Variants in MAOB observed in about 807,000 individuals in gnomAD.
MAOB encodes the protein monoamine oxidase B.
In MAOB, 15 loss-of-function variants were observed where a neutral mutation model predicts 41.9. The ratio of observed to expected loss-of-function variants is 0.36; its 90% CI spans 0.24 to 0.55. The LOEUF (loss-of-function observed/expected upper bound fraction) is 0.55, where lower values mean the gene tolerates loss of function less well. Among genes scored for constraint, MAOB ranks in the 20% least tolerant of loss-of-function variants. The pLI is 0.86. For synonymous variants in MAOB, 167 were observed against 144.2 expected, an observed-to-expected ratio of 1.16 and a Z score of -1.13; for missense variants, 345 against 398.7, an observed-to-expected ratio of 0.87 and a Z score of 1.15.
chrX:43,815,841 A>T (rs1023277934), intron 3 of MAOB, among the ~76,000 whole-genome samples: 2 of 112,147 alleles, frequency 1.8e-5, no homozygotes, highest in African/African-American at 6.5e-5. Flanking sequence ...CATTACTATG[A>T]CCCACTTCTA....
chrX:43,870,006 T>A lies in MAOB; in HGVS notation c.46+12248A>T, dbSNP rs771128859. Among the ~76,000 whole-genome samples the A allele has an allele frequency of 5.3e-5, 6 of 112,653 alleles. No individual in the cohort carries two copies. In the South Asian group the frequency reaches 2.2e-3, roughly 41 times the overall value. On this transcript the variant is annotated intron_variant, in intron 1 of 14. Coordinates refer to ENST00000378069, the MANE Select transcript of MAOB (RefSeq NM_000898.5). ...CCATCAAGAACTCCATTGTCCATTT[T>A]TTTTATAATCACTTTCAGCATTTTC...
At chrX:43,846,877 T>C (rs1198698158) in intron 1 of MAOB, among the ~76,000 whole-genome samples, 2 of 111,657 alleles carry the variant, frequency 1.8e-5, no homozygotes, top group Non-Finnish European at 3.8e-5. Context: ...ATATGAGAGA[T>C]GGTATATCCT....
intron 3 of MAOB, among the ~76,000 whole-genome samples, chrX:43,812,472 A>G (rs1486851698): frequency 8.9e-6 from 1 of 111,752 alleles, no homozygotes; most frequent in Non-Finnish European, 1.9e-5. Context: ...ACAATGTGCA[A>G]ATATTCCCTT....
intron 12 of MAOB, among the ~76,000 whole-genome samples, chrX:43,773,321 T>C (rs772281717): frequency 2.0e-4 from 22 of 112,110 alleles, no homozygotes; most frequent in African/African-American, 6.8e-4. Flanking sequence ...TGAGTGGTGA[T>C]ACAGTAGTGC....
intron 3 of MAOB, among the ~76,000 whole-genome samples, chrX:43,817,618 A>G (rs2034832416): frequency 9.0e-6 from 1 of 111,418 alleles, no homozygotes; most frequent in Non-Finnish European, 1.9e-5. Flanking sequence ...GCTTACACAA[A>G]CTCCAAAGTC....
chrX:43,783,252 C>T (rs1366356599), intron 8 of MAOB, among the ~76,000 whole-genome samples: 1 of 111,997 alleles, frequency 8.9e-6, no homozygotes, highest in Non-Finnish European at 1.9e-5. Context: ...GGAGGCAGAG[C>T]AGAGAGGACA....
chrX:43,780,495 C>T (rs2034318407), intron 9 of MAOB, 100 bp from the exon 10 acceptor site: 1 of 526,519 alleles, frequency 1.9e-6, no homozygotes, highest in Admixed American at 3.1e-5. Context: ...ACAGTTAAGT[C>T]AACCAAAAGA....
chrX:43,831,197 T>G (rs2035016322), intron 3 of MAOB, among the ~76,000 whole-genome samples: 1 of 111,382 alleles, frequency 9.0e-6, no homozygotes, highest in Non-Finnish European at 1.9e-5. Context: ...TGTTAATGGA[T>G]ATGTAACCCA....
At chrX:43,805,957 T>C (rs1306229157) in intron 3 of MAOB, among the ~76,000 whole-genome samples, 1 of 112,802 alleles carries the variant, frequency 8.9e-6, no homozygotes, top group Non-Finnish European at 1.9e-5. Context: ...ATGCTTTAAA[T>C]ATAGTTTCTA....
rs1178062363 is a variant in MAOB, at chrX:43,775,814, G to A, written c.1138-542C>T. On this transcript the variant is annotated intron_variant, in intron 11 of 14. Transcript: ENST00000378069. ...GGTCTGAAAAATATGTTTTTGACAC[G>A]AACAGGAAAAATTGGCAGAGATTTT... Among the ~76,000 whole-genome samples, 7 of 111,855 alleles carry A rather than the reference G, an allele frequency of 6.3e-5. 1 individual carries two copies. The highest frequency in any genetic ancestry group is 1.3e-4 in the Non-Finnish European group (7 of 53,176).
chrX:43,797,496 C>A (rs1195612129), intron 5 of MAOB, among the ~76,000 whole-genome samples: 1 of 112,073 alleles, frequency 8.9e-6, no homozygotes, highest in Non-Finnish European at 1.9e-5. Context: ...GCTTCTATTC[C>A]AGATTCTGTG....
At chrX:43,871,092 A>G (rs909379922) in intron 1 of MAOB, among the ~76,000 whole-genome samples, 80 of 111,725 alleles carry the variant, frequency 7.2e-4, no homozygotes, top group African/African-American at 2.5e-3. Flanking sequence ...AGCACAACAG[A>G]GAAATCAATC....
intron 1 of MAOB, among the ~76,000 whole-genome samples, chrX:43,856,363 C>T (rs752600936): frequency 8.9e-6 from 1 of 112,744 alleles, no homozygotes; most frequent in East Asian, 2.8e-4. Context: ...GGATTACAGG[C>T]ATGAGCCACC....
At chrX:43,862,393 C>G (rs745690095) in intron 1 of MAOB, among the ~76,000 whole-genome samples, 13 of 111,797 alleles carry the variant, frequency 1.2e-4, no homozygotes, top group African/African-American at 3.9e-4. Flanking sequence ...AAATTCAAAG[C>G]CAATAAACAT....
chrX:43,869,714 G>A (rs748060964), intron 1 of MAOB, among the ~76,000 whole-genome samples: 1 of 111,866 alleles, frequency 8.9e-6, no homozygotes, highest in African/African-American at 3.2e-5. Context: ...GAATCACATA[G>A]AAAATTAAAT....
At chrX:43,848,290 C>A (rs2035224548) in intron 1 of MAOB, among the ~76,000 whole-genome samples, 1 of 111,562 alleles carries the variant, frequency 9.0e-6, no homozygotes, top group Admixed American at 9.5e-5. Context: ...GTTTCACACT[C>A]TTCATATCAA....
rs1187667482 is a variant in MAOB, at chrX:43,781,467, T to C, written c.1006A>G (p.Asn336Asp). 1.7e-6 allele frequency: 2 copies of C among 1,189,857 alleles called. No individual in the cohort carries two copies. Among genetic ancestry groups the C allele is most frequent in the Non-Finnish European group, 2.3e-6 (2 of 882,520 alleles). ...CCTTACCCCATTATGGCAGCATAGTTGCCTTCAGGTTTGGTATCATCCAAC... is the reference window on the plus strand; with the variant it reads ...CCTTACCCCATTATGGCAGCATAGTCGCCTTCAGGTTTGGTATCATCCAAC... ...YTLDDTKPEG[N>D]YAAIMGFILA... is the part of the protein sequence containing the mutation. The change falls in exon 9 of 15, where the codon AAC (asparagine) becomes GAC (aspartate). Residue 336 changes from asparagine (N) to aspartate (D), a missense_variant. Coordinates refer to ENST00000378069, the MANE Select transcript of MAOB (RefSeq NM_000898.5).
At position 43,868,144 on chromosome X, in the gene MAOB, G is replaced by T. The variant is rs762728681; in HGVS notation, c.46+14110C>A. Among the ~76,000 whole-genome samples, 17 of 112,182 alleles carry T rather than the reference G, an allele frequency of 1.5e-4. No homozygotes were observed. In the South Asian group the frequency reaches 6.3e-3, roughly 42 times the overall value. On this transcript the variant is annotated intron_variant, in intron 1 of 14. Transcript: ENST00000378069. The stretch of plus-strand genomic sequence containing the variant: ...AATTTATCTATGGGGAAGGAAGCCA[G>T]ATTTTATAAAATATCTGTTTGGCGA...
chrX:43,838,656 A>G lies in MAOB; in HGVS notation c.279+212T>C, dbSNP rs370583636. ...AACATTTTACCACATGGAAGATACCACTTCATCAATAACCTTCCTAAATAG... is the reference window on the plus strand; with the variant it reads ...AACATTTTACCACATGGAAGATACCGCTTCATCAATAACCTTCCTAAATAG... On this transcript the variant is annotated intron_variant, in intron 3 of 14. Transcript: ENST00000378069. Among the ~76,000 whole-genome samples the G allele has an allele frequency of 2.9e-3, 327 of 112,207 alleles. 1 individual carries two copies. Among genetic ancestry groups the G allele is most frequent in the Non-Finnish European group, 5.0e-3 (265 of 53,288 alleles).
Sources: allele counts gnomAD v4.1 joint callset (sites outside exome capture counted in the v4.1 genomes callset), GRCh38; gene constraint gnomAD v4.1.1; transcripts MANE v1.5; gene names NCBI Gene and HGNC (gene_info 2026-07-23, HGNC 2026-07-21).